The following THSD4 variants were observed in gnomAD, a reference collection of about 807,000 sequenced individuals.
THSD4 encodes thrombospondin type 1 domain containing 4.
In THSD4, 69 loss-of-function variants were observed where a neutral mutation model predicts 119.0. That is an observed-to-expected ratio of 0.58 (90% CI 0.48 to 0.71). The LOEUF is 0.71. Ranked by LOEUF, THSD4 falls within the 30% of genes least tolerant of loss-of-function variation. The probability of loss-of-function intolerance (pLI) is 0.00; values close to 1 mark genes in which losing one functional copy is unlikely to be tolerated. For synonymous variants in THSD4, 524 were observed against 540.4 expected (o/e 0.97, Z 0.42); for missense variants, 1,393 against 1,391.1 (o/e 1.00, Z -0.02).
At chr15:71,169,833 T>G (rs546344948) in intron 3 of THSD4, among the ~76,000 whole-genome samples, 1 of 152,186 alleles carries the variant, frequency 6.6e-6, no homozygotes, top group Non-Finnish European at 1.5e-5. Flanking sequence ...AGGGGTATGC[T>G]AGGCAGAACC....
intron 7 of THSD4, among the ~76,000 whole-genome samples, chr15:71,493,178 C>G (rs950382305): frequency 2.0e-5 from 3 of 152,120 alleles, no homozygotes; most frequent in African/African-American, 4.8e-5. Flanking sequence ...CCAGCTTGCC[C>G]CTCGTCAGAT....
intron 8 of THSD4, among the ~76,000 whole-genome samples, chr15:71,711,072 A>AT (rs2052502369): frequency 6.8e-6 from 1 of 147,844 alleles, no homozygotes; most frequent in Non-Finnish European, 1.5e-5. Context: ...TTGAAAGCAA[A>AT]ATATATATAT....
At chr15:71,685,385 C>T (rs1224811335) in intron 8 of THSD4, among the ~76,000 whole-genome samples, 1 of 151,946 alleles carries the variant, frequency 6.6e-6, no homozygotes, top group Non-Finnish European at 1.5e-5. Context: ...ACAGTATTCA[C>T]ATTTTAAACT....
At chr15:71,097,475 T>C (rs1357357841) in intron 1 of THSD4, among the ~76,000 whole-genome samples, 2 of 151,330 alleles carry the variant, frequency 1.3e-5, no homozygotes, top group Non-Finnish European at 2.9e-5. Context: ...CTAAGGTTAG[T>C]GGATTGCTTG....
At chr15:71,383,435 A>G (rs966245979) in intron 6 of THSD4, among the ~76,000 whole-genome samples, 4 of 152,204 alleles carry the variant, frequency 2.6e-5, no homozygotes, top group Non-Finnish European at 5.9e-5. Context: ...ATCAAGAAAG[A>G]AGGTCATACT....
chr15:71,142,220 T>C (rs1169951484), intron 2 of THSD4, among the ~76,000 whole-genome samples: 12 of 152,222 alleles, frequency 7.9e-5, no homozygotes, highest in Non-Finnish European at 1.6e-4. Context: ...ATTCAATCTT[T>C]ATATCAACCA....
chr15:71,278,345 A>G (rs775302458), intron 6 of THSD4, among the ~76,000 whole-genome samples: 48 of 152,090 alleles, frequency 3.2e-4, no homozygotes, highest in Admixed American at 7.9e-4. Context: ...ACAGCCATGC[A>G]CTATACATTT....
At chr15:71,327,923 T>TTAATCACCATCA (rs2045368070) in intron 6 of THSD4, among the ~76,000 whole-genome samples, 1 of 152,226 alleles carries the variant, frequency 6.6e-6, no homozygotes, top group African/African-American at 2.4e-5. Flanking sequence ...GCCGGGTCTG[T>TTAATCACCATCA]GCAAGAATGG....
At chr15:71,253,727 T>C (rs1413161224) in intron 5 of THSD4, among the ~76,000 whole-genome samples, 1 of 152,164 alleles carries the variant, frequency 6.6e-6, no homozygotes, top group Non-Finnish European at 1.5e-5. Flanking sequence ...TTTTATTACA[T>C]AAATATTACA....
intron 7 of THSD4, among the ~76,000 whole-genome samples, chr15:71,469,957 AGAG>A (rs2047550729): frequency 1.3e-5 from 2 of 152,234 alleles, no homozygotes; most frequent in Admixed American, 1.3e-4. Context: ...AAATGAGCAC[AGAG>A]GAGATGTCCA....
chr15:71,261,483 T>G (rs906863918), intron 6 of THSD4, among the ~76,000 whole-genome samples: 1 of 152,184 alleles, frequency 6.6e-6, no homozygotes, highest in African/African-American at 2.4e-5. Flanking sequence ...TGTGATATAT[T>G]ACATCAGTCC....
At chr15:71,502,733 A>G (rs1194515741) in intron 7 of THSD4, among the ~76,000 whole-genome samples, 1 of 152,218 alleles carries the variant, frequency 6.6e-6, no homozygotes, top group African/African-American at 2.4e-5. Context: ...AAGATCTTCT[A>G]CAGAAGATCA....
At chr15:71,605,272 A>G (rs1372154187) in intron 7 of THSD4, among the ~76,000 whole-genome samples, 2 of 152,204 alleles carry the variant, frequency 1.3e-5, no homozygotes, top group African/African-American at 4.8e-5. Context: ...GACCATCCAC[A>G]TTTATACCTA....
intron 7 of THSD4, among the ~76,000 whole-genome samples, chr15:71,631,630 C>T (rs76875086): frequency 6.6e-6 from 1 of 152,288 alleles, no homozygotes; most frequent in African/African-American, 2.4e-5. Context: ...GAAAAGTATG[C>T]TGAGTCTTTG....
Position 71,644,522 on chromosome 15 carries a change from C to CA in THSD4, c.1153-15999dup, listed in dbSNP as rs200304248. Among the ~76,000 whole-genome samples, 603 of 151,442 alleles carry CA rather than the reference C, an allele frequency of 4.0e-3. 3 individuals carry two copies. The highest frequency in any genetic ancestry group is 0.014 in the African/African-American group (568 of 41,292). On this transcript the variant is annotated intron_variant, in intron 7 of 17. Coordinates refer to ENST00000261862, the MANE Select transcript of THSD4 (RefSeq NM_024817.3). ...CTGGTAACTGTAAGCTCCAGATTTA[C>CA]AAAAAAAAATTCAAATTTGACTTTC...
chr15:71,193,808 C>A (rs975847949), intron 3 of THSD4, among the ~76,000 whole-genome samples: 9 of 152,220 alleles, frequency 5.9e-5, no homozygotes, highest in African/African-American at 1.9e-4. Context: ...CCCGGGTTCA[C>A]ACCATTCTCC....
At chr15:71,229,314 A>G (rs2044042832) in intron 4 of THSD4, among the ~76,000 whole-genome samples, 1 of 152,220 alleles carries the variant, frequency 6.6e-6, no homozygotes. Context: ...ATAGCCATCT[A>G]CATACAGAAT....
chr15:71,488,438 T>G (rs1217647259), intron 7 of THSD4, among the ~76,000 whole-genome samples: 1 of 152,224 alleles, frequency 6.6e-6, no homozygotes, highest in African/African-American at 2.4e-5. Context: ...GTCAGAAAAC[T>G]TAGACGTTTC....
intron 3 of THSD4, among the ~76,000 whole-genome samples, chr15:71,190,150 C>T (rs1429851226): frequency 6.6e-6 from 1 of 152,186 alleles, no homozygotes; most frequent in Non-Finnish European, 1.5e-5. Flanking sequence ...GGCTCAAGGT[C>T]CCTCTCATCT....
Sources: allele counts gnomAD v4.1 joint callset (sites outside exome capture counted in the v4.1 genomes callset), GRCh38; gene constraint gnomAD v4.1.1; transcripts MANE v1.5; gene names NCBI Gene and HGNC (gene_info 2026-07-23, HGNC 2026-07-21).